Variants in GABRA2 observed in about 807,000 individuals in gnomAD.
GABRA2 encodes the protein gamma-aminobutyric acid receptor subunit alpha-2.
In GABRA2, 16 loss-of-function variants were observed where a neutral mutation model predicts 48.7. The observed-to-expected ratio is 0.33, with a 90% CI of 0.22 to 0.50. GABRA2 has a LOEUF of 0.50. Among genes scored for constraint, GABRA2 ranks in the 20% least tolerant of loss-of-function variants. The pLI, the probability that GABRA2 is intolerant of heterozygous loss-of-function variation, is 0.98. For missense variants in GABRA2, 275 were observed against 535.6 expected (o/e 0.51, Z 4.80); for synonymous variants, 185 against 184.5 (o/e 1.00, Z -0.02).
intron 3 of GABRA2, among the ~76,000 whole-genome samples, chr4:46,374,740 T>A (rs561223099): frequency 1.3e-5 from 2 of 152,208 alleles, no homozygotes; most frequent in South Asian, 4.1e-4. Context: ...TACTTATATA[T>A]ATCAGAAGGG....
intron 1 of GABRA2, chr4:46,388,952 T>C (rs759386372): frequency 2.1e-5 from 27 of 1,307,532 alleles, no homozygotes; most frequent in Non-Finnish European, 2.4e-5. Flanking sequence ...CTTTCTTTCT[T>C]TAACAGCAAG....
At chr4:46,265,486 T>TAA (rs1560448811) in intron 8 of GABRA2, among the ~76,000 whole-genome samples, 1 of 131,094 alleles carries the variant, frequency 7.6e-6, no homozygotes, top group Non-Finnish European at 1.5e-5. Context: ...TGTGTATATA[T>TAA]TATATATATA....
At chr4:46,256,064 A>G (rs572122520) in intron 9 of GABRA2, 4 of 431,532 alleles carry the variant, frequency 9.3e-6, no homozygotes, top group East Asian at 6.7e-5. Context: ...CTACCATACC[A>G]TGTTGCCTTT....
chr4:46,279,846 G>A (rs1721180127), intron 8 of GABRA2, among the ~76,000 whole-genome samples: 1 of 151,804 alleles, frequency 6.6e-6, no homozygotes, highest in Non-Finnish European at 1.5e-5. Flanking sequence ...TTTTCTTTTG[G>A]AATATACTAT....
chr4:46,256,262 A>AG lies in GABRA2; in HGVS notation c.1060-5659_1060-5658insC, dbSNP rs1715806652. 3 of 696,820 alleles carry AG rather than the reference A, an allele frequency of 4.3e-6. No homozygotes were observed. Among genetic ancestry groups the AG allele is most frequent in the Non-Finnish European group, 2.6e-6 (1 of 381,470 alleles). 43.2% of individuals were successfully genotyped at this position (696,820 alleles called of 1,614,324 possible). A position where few individuals can be genotyped will look rare whatever the true frequency, so the allele number is the denominator to read the frequency against. Reference sequence around the variant, plus strand: ...GTACTCTAAAGTCTTTTCTTGGAATAAACTGGGCCATGAGAAAGCTATATA... The same window carrying AG: ...GTACTCTAAAGTCTTTTCTTGGAATAGAACTGGGCCATGAGAAAGCTATATA... On this transcript the variant is annotated intron_variant, in intron 9 of 9. Coordinates refer to ENST00000381620, the MANE Select transcript of GABRA2 (RefSeq NM_000807.4).
In GABRA2 at chr4:46,243,754, T is replaced by C. The variant is rs1259129399; in HGVS notation, c.*6554A>G. The C allele has an allele frequency of 6.6e-6, 1 of 151,470 alleles. No homozygotes were observed. The highest frequency in any genetic ancestry group is 2.4e-5 in the African/African-American group (1 of 41,380). 9.4% of individuals were successfully genotyped at this position (151,470 alleles called of 1,614,324 possible). On this transcript the variant is annotated 3_prime_UTR_variant, in exon 10 of 10. Coordinates refer to ENST00000381620, the MANE Select transcript of GABRA2 (RefSeq NM_000807.4). ...ATGAACCAGAAAACCTACCAATAAG[T>C]ATACTGTCACCCAGAAAATTTCAAA...
In GABRA2 at chr4:46,245,835, T is replaced by G. The variant is rs1474016996; in HGVS notation, c.*4473A>C. Among the ~76,000 whole-genome samples the G allele has an allele frequency of 6.6e-6, 1 of 151,252 alleles. No homozygotes were observed. Among genetic ancestry groups the G allele is most frequent in the East Asian group, 1.9e-4 (1 of 5,132 alleles). The stretch of plus-strand genomic sequence containing the variant: ...TACTATTGGCAATATTAGGTAATGT[T>G]ATGTATTAAATACATCATTGAGTAG... On this transcript the variant is annotated 3_prime_UTR_variant, in exon 10 of 10. Transcript: ENST00000381620.
intron 3 of GABRA2, among the ~76,000 whole-genome samples, chr4:46,357,393 G>T (rs1736166580): frequency 6.8e-6 from 1 of 148,112 alleles, no homozygotes; most frequent in African/African-American, 2.5e-5. Context: ...AATTAGGCAT[G>T]CTTCTTATCT....
chr4:46,312,382 A>T, intron 5 of GABRA2, 114 bp downstream of exon 5: 1 of 655,910 alleles, frequency 1.5e-6, no homozygotes, highest in East Asian at 2.9e-5. Context: ...GTACTTCAAT[A>T]ATCTGTTAGA....
intron 8 of GABRA2, among the ~76,000 whole-genome samples, chr4:46,291,776 C>CACATATATATATATATATAT (rs1553906974): frequency 7.6e-5 from 11 of 144,752 alleles, no homozygotes; most frequent in African/African-American, 1.5e-4. Flanking sequence ...TAAACACACA[C>CACATATATATATATATATAT]ATATATATAT....
rs200197007 is a variant in GABRA2, at chr4:46,249,895, G to A, written c.*413C>T. On this transcript the variant is annotated 3_prime_UTR_variant, in exon 10 of 10. Transcript: ENST00000381620. The stretch of plus-strand genomic sequence containing the variant: ...CAGATACAATGTTTGTTACTTCAAA[G>A]GATTCATCTAGGAATGACAATGTTA... 6.1e-6 allele frequency: 1 copy of A among 164,948 alleles called. No individual in the cohort carries two copies. The highest frequency in any genetic ancestry group is 1.3e-5 in the Non-Finnish European group (1 of 75,728). 10.2% of individuals were successfully genotyped at this position (164,948 alleles called of 1,614,324 possible). A position where few individuals can be genotyped will look rare whatever the true frequency, so the allele number is the denominator to read the frequency against.
intron 7 of GABRA2, among the ~76,000 whole-genome samples, chr4:46,304,364 G>A (rs1454305339): frequency 6.6e-6 from 1 of 152,104 alleles, no homozygotes; most frequent in Admixed American, 6.6e-5. Context: ...ATTTGCTTCA[G>A]TCACTTCTAT....
chr4:46,303,439 G>A, intron 8 of GABRA2, 21 bp downstream of exon 8: 1 of 1,605,268 alleles, frequency 6.2e-7, no homozygotes, highest in Non-Finnish European at 8.5e-7. Context: ...GTGCTGTACT[G>A]CAAAGTGTGT....
intron 3 of GABRA2, among the ~76,000 whole-genome samples, chr4:46,354,052 T>C (rs1458191795): frequency 2.0e-5 from 3 of 152,302 alleles, no homozygotes; most frequent in East Asian, 3.9e-4. Flanking sequence ...ATAGTGTCCT[T>C]TACTGACTGC....
At chr4:46,256,781 G>A (rs989587408) in intron 9 of GABRA2, among the ~76,000 whole-genome samples, 7 of 151,556 alleles carry the variant, frequency 4.6e-5, no homozygotes. Flanking sequence ...AACAAGGCAG[G>A]ATGTTATAAA....
At position 46,336,412 on chromosome 4, in the gene GABRA2, C is replaced by G. The variant is rs542151078; in HGVS notation, c.188-3730G>C. On this transcript the variant is annotated intron_variant, in intron 3 of 9. Coordinates refer to ENST00000381620, the MANE Select transcript of GABRA2 (RefSeq NM_000807.4). ...AAGACAGCACTGATTCACTGCAAACCAAAATTGAAGTCTGAACAGTTAAGC... is the reference window on the plus strand; with the variant it reads ...AAGACAGCACTGATTCACTGCAAACGAAAATTGAAGTCTGAACAGTTAAGC... Among the ~76,000 whole-genome samples, 3 of 152,150 alleles carry G rather than the reference C, an allele frequency of 2.0e-5. No homozygotes were observed. The South Asian group carries it at 6.2e-4, about 32-fold the overall frequency.
At chr4:46,334,540 T>C (rs1223795931) in intron 3 of GABRA2, among the ~76,000 whole-genome samples, 1 of 152,156 alleles carries the variant, frequency 6.6e-6, no homozygotes, top group Admixed American at 6.6e-5. Context: ...TTAGTTTAAG[T>C]AGTAAAGTTA....
chr4:46,350,939 A>AGGCAC (rs1299588655), intron 3 of GABRA2, among the ~76,000 whole-genome samples: 1 of 151,820 alleles, frequency 6.6e-6, no homozygotes, highest in Non-Finnish European at 1.5e-5. Context: ...GGGGGAGGGG[A>AGGCAC]GGCACATGAT....
At chr4:46,342,688 C>T (rs569423458) in intron 3 of GABRA2, among the ~76,000 whole-genome samples, 2 of 152,024 alleles carry the variant, frequency 1.3e-5, no homozygotes, top group African/African-American at 4.8e-5. Context: ...TACTCTGGTG[C>T]GTAGGCTGGA....
Sources: allele counts gnomAD v4.1 joint callset (sites outside exome capture counted in the v4.1 genomes callset), GRCh38; gene constraint gnomAD v4.1.1; transcripts MANE v1.5; gene names NCBI Gene and HGNC (gene_info 2026-07-23, HGNC 2026-07-21).